Variants in DACH1 observed in about 807,000 individuals in gnomAD.
DACH1 encodes the protein dachshund family transcription factor 1.
Under a neutral mutation model 54.2 loss-of-function variants are expected in DACH1, and 12 were observed. That is an observed-to-expected ratio of 0.22 (90% CI 0.14 to 0.36). The LOEUF is 0.36. Among genes scored for constraint, DACH1 ranks in the 10% least tolerant of loss-of-function variants. The pLI is 1.00. For synonymous variants in DACH1, 386 were observed against 366.2 expected (o/e 1.05, Z -0.62); for missense variants, 805 against 929.8 (o/e 0.87, Z 1.75).
intron 1 of DACH1, among the ~76,000 whole-genome samples, chr13:71,854,230 G>A (rs1272315154): frequency 6.6e-6 from 1 of 151,824 alleles, no homozygotes; most frequent in Non-Finnish European, 1.5e-5. Context: ...AAAATCCAGA[G>A]TTTGTTCTGT....
At chr13:71,690,178 A>C (rs1456870152) in intron 1 of DACH1, among the ~76,000 whole-genome samples, 1 of 152,182 alleles carries the variant, frequency 6.6e-6, no homozygotes, top group Admixed American at 6.5e-5. Context: ...ACACTCACAA[A>C]AATACAGAGG....
At chr13:71,793,359 C>A (rs1397983168) in intron 1 of DACH1, among the ~76,000 whole-genome samples, 1 of 152,136 alleles carries the variant, frequency 6.6e-6, no homozygotes, top group Admixed American at 6.6e-5. Flanking sequence ...GACTCTTCAG[C>A]GACTTTCAAA....
At chr13:71,648,927 A>G (rs892043771) in intron 2 of DACH1, among the ~76,000 whole-genome samples, 3 of 152,208 alleles carry the variant, frequency 2.0e-5, no homozygotes, top group Admixed American at 2.0e-4. Flanking sequence ...GGTCAAGGCC[A>G]TGGCAATAAT....
intron 10 of DACH1, among the ~76,000 whole-genome samples, chr13:71,467,493 TATA>T (rs1053420812): frequency 2.5e-4 from 37 of 150,742 alleles, no homozygotes; most frequent in African/African-American, 8.0e-4. Flanking sequence ...AAATTTAAAG[TATA>T]ATAATAATAA....
At chr13:71,694,149 A>G (rs74993919) in intron 1 of DACH1, among the ~76,000 whole-genome samples, 2,236 of 152,152 alleles carry the variant, frequency 0.015, 46 homozygotes, top group East Asian at 0.046. Context: ...TTTGTATGCC[A>G]CCTCTGGAGA....
intron 3 of DACH1, among the ~76,000 whole-genome samples, chr13:71,607,204 G>C (rs551207934): frequency 1.3e-5 from 2 of 151,886 alleles, no homozygotes; most frequent in Non-Finnish European, 2.9e-5. Context: ...TTTTATATTT[G>C]TAATAACAAG....
intron 6 of DACH1, among the ~76,000 whole-genome samples, chr13:71,530,501 C>A (rs1882344054): frequency 6.6e-6 from 1 of 152,008 alleles, no homozygotes; most frequent in Admixed American, 6.5e-5. Context: ...CAACATTGTT[C>A]TTTTTAGAAA....
At chr13:71,865,406 C>G (rs1049556683) in intron 1 of DACH1, among the ~76,000 whole-genome samples, 1 of 152,154 alleles carries the variant, frequency 6.6e-6, no homozygotes, top group Non-Finnish European at 1.5e-5. Context: ...CGCGTCTCCC[C>G]GCTCCCCGAG....
At chr13:71,556,528 T>A (rs890225411) in intron 6 of DACH1, among the ~76,000 whole-genome samples, 4 of 152,148 alleles carry the variant, frequency 2.6e-5, no homozygotes, top group Admixed American at 2.6e-4. Flanking sequence ...TATAAGAAAC[T>A]TTTTTAGCTA....
intron 1 of DACH1, among the ~76,000 whole-genome samples, chr13:71,835,590 A>G (rs145005951): frequency 2.0e-5 from 3 of 152,022 alleles, no homozygotes; most frequent in African/African-American, 7.2e-5. Flanking sequence ...TATTGGTGAA[A>G]AAAAGAGGCC....
chr13:71,660,436 A>G (rs1305162289), intron 2 of DACH1, among the ~76,000 whole-genome samples: 2 of 152,138 alleles, frequency 1.3e-5, no homozygotes, highest in Non-Finnish European at 2.9e-5. Context: ...TAATAACTTT[A>G]GGGTTATAAT....
intron 6 of DACH1, among the ~76,000 whole-genome samples, chr13:71,529,800 T>C (rs1432138393): frequency 6.6e-6 from 1 of 152,196 alleles, no homozygotes; most frequent in African/African-American, 2.4e-5. Context: ...ATTTTATTTT[T>C]ATTTTTGCCA....
At chr13:71,748,015 G>A (rs1413033325) in intron 1 of DACH1, among the ~76,000 whole-genome samples, 1 of 152,092 alleles carries the variant, frequency 6.6e-6, no homozygotes, top group African/African-American at 2.4e-5. Flanking sequence ...AGACCTTTGG[G>A]GGACAGCATG....
Position 71,673,871 on chromosome 13 carries a change from T to A in DACH1, c.964+7924A>T, listed in dbSNP as rs535971942. ...CCATCAATTGATGATTATGCTTAAA[T>A]GTAACCATCATAACCTATAAACAAA... On this transcript the variant is annotated intron_variant, in intron 2 of 10. Transcript: ENST00000613252. 1.9e-4 allele frequency among the ~76,000 whole-genome samples: 29 copies of A among 152,336 alleles called. No individual in the cohort carries two copies. In the South Asian group the frequency reaches 4.8e-3, roughly 25 times the overall value.
chr13:71,678,195 G>A (rs373743697), intron 2 of DACH1, among the ~76,000 whole-genome samples: 1 of 152,094 alleles, frequency 6.6e-6, no homozygotes, highest in African/African-American at 2.4e-5. Context: ...ATCATATTTA[G>A]TCATATTCCC....
At chr13:71,526,706 G>GTATATATATA (rs36030987) in intron 6 of DACH1, among the ~76,000 whole-genome samples, 1 of 144,252 alleles carries the variant, frequency 6.9e-6, no homozygotes, top group Admixed American at 7.0e-5. Context: ...ATGTGTGTGT[G>GTATATATATA]TATATATATA....
At chr13:71,747,185 A>G (rs1157596505) in intron 1 of DACH1, among the ~76,000 whole-genome samples, 3 of 152,150 alleles carry the variant, frequency 2.0e-5, no homozygotes, top group Non-Finnish European at 2.9e-5. Flanking sequence ...AATTGTTCAC[A>G]ATGATGAGAG....
intron 6 of DACH1, among the ~76,000 whole-genome samples, chr13:71,493,475 G>A (rs183587255): frequency 1.5e-4 from 23 of 152,232 alleles, no homozygotes; most frequent in African/African-American, 5.5e-4. Context: ...GAAACTGTAG[G>A]ATCATAAATC....
At chr13:71,525,784 A>AT (rs954724840) in intron 6 of DACH1, among the ~76,000 whole-genome samples, 1 of 152,152 alleles carries the variant, frequency 6.6e-6, no homozygotes, top group African/African-American at 2.4e-5. Context: ...GATTAATAGT[A>AT]TTTTTGGAAT....
Sources: allele counts gnomAD v4.1 joint callset (sites outside exome capture counted in the v4.1 genomes callset), GRCh38; gene constraint gnomAD v4.1.1; transcripts MANE v1.5; gene names NCBI Gene and HGNC (gene_info 2026-07-23, HGNC 2026-07-21).